Variants in CHL1 observed in about 807,000 individuals in gnomAD.
CHL1 encodes neural cell adhesion molecule L1-like protein.
CHL1 carries 96 observed loss-of-function variants against 141.9 expected under a neutral mutation model. The ratio of observed to expected loss-of-function variants is 0.68; its 90% CI spans 0.57 to 0.80. The LOEUF (loss-of-function observed/expected upper bound fraction) is 0.80, where lower values mean the gene tolerates loss of function less well. Among genes scored for constraint, CHL1 ranks in the 30% least tolerant of loss-of-function variants. The pLI, the probability that CHL1 is intolerant of heterozygous loss-of-function variation, is 0.00. For missense variants in CHL1, 1,820 were observed against 1,457.2 expected (o/e 1.25, Z -4.05); for synonymous variants, 613 against 502.2 (o/e 1.22, Z -2.95).
intron 10 of CHL1, among the ~76,000 whole-genome samples, chr3:350,722 C>T (rs3773398): frequency 0.56 from 85,325 of 151,946 alleles, 26,711 homozygotes; most frequent in Middle Eastern, 0.74. Flanking sequence ...CTCCATAATG[C>T]ATATTATTAT....
In CHL1 at chr3:227,522, T is replaced by C. The variant is rs552281829; in HGVS notation, c.-174-17091T>C. Among the ~76,000 whole-genome samples, 6 of 152,324 alleles carry C rather than the reference T, an allele frequency of 3.9e-5. No individual in the cohort carries two copies. In the South Asian group the frequency reaches 1.2e-3, roughly 32 times the overall value. ...TTTCAAAGACAATAGGTGATATGCA[T>C]GTGGAGAACAAATACAAAAGGCATG... On this transcript the variant is annotated intron_variant, in intron 1 of 27. Coordinates refer to ENST00000256509, the MANE Select transcript of CHL1 (RefSeq NM_006614.4).
chr3:214,773 G>T (rs542690904), intron 1 of CHL1, among the ~76,000 whole-genome samples: 1 of 152,072 alleles, frequency 6.6e-6, no homozygotes, highest in Admixed American at 6.5e-5. Context: ...AGTTCAATAG[G>T]AATAAGTCCT....
At chr3:333,735 T>C (rs539775789) in intron 5 of CHL1, among the ~76,000 whole-genome samples, 1 of 152,248 alleles carries the variant, frequency 6.6e-6, no homozygotes, top group African/African-American at 2.4e-5. Flanking sequence ...CCTGTGCATG[T>C]ATATGGTGAT....
intron 13 of CHL1, among the ~76,000 whole-genome samples, chr3:362,173 A>G (rs1704324966): frequency 6.6e-6 from 1 of 152,214 alleles, no homozygotes; most frequent in South Asian, 2.1e-4. Flanking sequence ...ATGATTATCT[A>G]AGCTCGAATT....
intron 1 of CHL1, among the ~76,000 whole-genome samples, chr3:232,342 G>T (rs191792178): frequency 6.6e-6 from 1 of 152,156 alleles, no homozygotes; most frequent in Admixed American, 6.5e-5. Context: ...AATATTTTGG[G>T]AATTGTCATT....
At chr3:337,283 C>CG (rs1281348954) in intron 5 of CHL1, among the ~76,000 whole-genome samples, 1 of 149,728 alleles carries the variant, frequency 6.7e-6, no homozygotes, top group Non-Finnish European at 1.5e-5. Flanking sequence ...CTCCGCCTCC[C>CG]GGGTTCCCGC....
chr3:349,402 C>G lies in CHL1; in HGVS notation c.892C>G (p.Pro298Ala). ...TTGGAACAAAATTGGTGGTGACTTA[C>G]CAAAGGGGAGAGAAACAAAAGAAAA... ...VDWNKIGGDL[P>A]KGRETKENYG... The change falls in exon 10 of 28, where the codon CCA becomes GCA. Residue 298 changes from proline to alanine, a missense_variant. Pro to Ala is a conservative substitution (Grantham distance 27). Transcript: ENST00000256509. 6.2e-7 allele frequency: 1 copy of G among 1,613,796 alleles called. No homozygotes were observed. Among genetic ancestry groups the G allele is most frequent in the African/African-American group, 1.3e-5 (1 of 75,008 alleles).
chr3:333,843 A>C (rs1701652377), intron 5 of CHL1, among the ~76,000 whole-genome samples: 1 of 152,228 alleles, frequency 6.6e-6, no homozygotes, highest in African/African-American at 2.4e-5. Context: ...TGACTGTTGA[A>C]TACTACTCAC....
intron 4 of CHL1, among the ~76,000 whole-genome samples, chr3:327,245 G>A (rs1460069328): frequency 6.6e-6 from 1 of 151,866 alleles, no homozygotes; most frequent in Non-Finnish European, 1.5e-5. Context: ...GTAAGAATAT[G>A]GCGTCCTGAA....
intron 9 of CHL1, 104 bp from the exon 10 acceptor site, chr3:349,255 C>A: frequency 2.2e-6 from 2 of 902,806 alleles, no homozygotes; most frequent in Non-Finnish European, 3.4e-6. Flanking sequence ...GGAATATGAG[C>A]ACATGTGTAA....
At chr3:377,990 T>C in intron 16 of CHL1, 48 bp downstream of exon 16, 3 of 1,515,878 alleles carry the variant, frequency 2.0e-6, no homozygotes, top group Non-Finnish European at 2.7e-6. Flanking sequence ...TCATTTCTGA[T>C]TAAATCCCAT....
chr3:331,918 C>T (rs375475282), intron 5 of CHL1, among the ~76,000 whole-genome samples: 1 of 152,120 alleles, frequency 6.6e-6, no homozygotes, highest in Non-Finnish European at 1.5e-5. Flanking sequence ...ATCAGAAAAT[C>T]CAAAAGTAAA....
intron 15 of CHL1, among the ~76,000 whole-genome samples, chr3:374,592 C>G (rs1037060615): frequency 6.6e-6 from 1 of 152,204 alleles, no homozygotes; most frequent in Non-Finnish European, 1.5e-5. Context: ...AAATGAACCT[C>G]TGGCTATCTG....
Position 213,998 on chromosome 3 carries a change from A to G in CHL1, c.-175+16935A>G, listed in dbSNP as rs148161518. ...AATTTGAGTCAGGTTAGAGAAAGCC[A>G]AACATAGGTGGAATATGGATACCTT... On this transcript the variant is annotated intron_variant, in intron 1 of 27. Coordinates refer to ENST00000256509, the MANE Select transcript of CHL1 (RefSeq NM_006614.4). Among the ~76,000 whole-genome samples the G allele has an allele frequency of 1.1e-3, 168 of 152,324 alleles. 2 individuals carry two copies. In the South Asian group the frequency reaches 0.025, roughly 23 times the overall value.
At position 340,828 on chromosome 3, in the gene CHL1, T is replaced by A; in HGVS notation, c.420T>A (p.Pro140=). The A allele has an allele frequency of 2.5e-6, 4 of 1,612,250 alleles. No individual in the cohort carries two copies. The highest frequency in any genetic ancestry group is 3.4e-6 in the Non-Finnish European group (4 of 1,178,578). ...VPKFPKEKID[P]LEVEEGDPIV... ...AATTCCCAAAAGAAAAAATTGACCCTCTTGAAGTGGAGGAGGGAGATCCAA... is the reference window on the plus strand; with the variant it reads ...AATTCCCAAAAGAAAAAATTGACCCACTTGAAGTGGAGGAGGGAGATCCAA... Residue 140 remains proline, a synonymous_variant, in exon 6 of 28, where the codon CCT becomes CCA. Transcript: ENST00000256509.
chr3:365,539 C>A lies in CHL1; in HGVS notation c.1586-411C>A, dbSNP rs60927950. On this transcript the variant is annotated intron_variant, in intron 14 of 27. Coordinates refer to ENST00000256509, the MANE Select transcript of CHL1 (RefSeq NM_006614.4). ...TCCATTCATGGGCTTAAACATTTACCCTCAGGTTTCTGAATTAATAATAAA... is the reference window on the plus strand; with the variant it reads ...TCCATTCATGGGCTTAAACATTTACACTCAGGTTTCTGAATTAATAATAAA... 7.7e-3 allele frequency among the ~76,000 whole-genome samples: 1,171 copies of A among 152,242 alleles called. 11 individuals carry two copies. The highest frequency in any genetic ancestry group is 0.027 in the African/African-American group (1,118 of 41,532).
intron 1 of CHL1, among the ~76,000 whole-genome samples, chr3:206,725 C>T (rs1007703216): frequency 1.3e-5 from 2 of 152,192 alleles, no homozygotes; most frequent in Non-Finnish European, 2.9e-5. Context: ...GTCATATAAG[C>T]GTCTAATGGT....
intron 2 of CHL1, among the ~76,000 whole-genome samples, chr3:295,245 T>G (rs1698081694): frequency 6.6e-6 from 1 of 152,128 alleles, no homozygotes; most frequent in East Asian, 1.9e-4. Context: ...AAAGGCAAAA[T>G]TATTTTCTTT....
chr3:225,458 T>C (rs1008749416), intron 1 of CHL1, among the ~76,000 whole-genome samples: 2 of 152,178 alleles, frequency 1.3e-5, no homozygotes, highest in East Asian at 3.8e-4. Flanking sequence ...TCCAATAAGG[T>C]AGGACTTGGG....
Sources: gnomAD v4.1 joint callset for allele counts (sites outside exome capture counted in the v4.1 genomes callset) on GRCh38, gnomAD v4.1.1 for gene constraint, MANE v1.5 for transcripts, NCBI Gene and HGNC (gene_info 2026-07-23, HGNC 2026-07-21) for gene names.